HTR2C: variants seen among roughly 807,000 people sequenced by gnomAD.
HTR2C encodes the protein 5-hydroxytryptamine receptor 2C.
In HTR2C, 5 loss-of-function variants were observed where a neutral mutation model predicts 21.0. The ratio of observed to expected loss-of-function variants is 0.24; its 90% CI spans 0.12 to 0.50. The LOEUF is 0.50. Ranked by LOEUF, HTR2C falls within the 20% of genes least tolerant of loss-of-function variation. HTR2C has a pLI of 0.98. For missense variants in HTR2C, 271 were observed against 371.2 expected (o/e 0.73, Z 2.22); for synonymous variants, 150 against 145.3 (o/e 1.03, Z -0.23).
At chrX:114,726,100 G>GC (rs1933458232) in intron 2 of HTR2C, among the ~76,000 whole-genome samples, 1 of 112,116 alleles carries the variant, frequency 8.9e-6, no homozygotes, top group African/African-American at 3.2e-5. Flanking sequence ...AATGGCGGGC[G>GC]CCCCTCCCCC....
Position 114,679,257 on chromosome X carries a change from A to G in HTR2C, c.-79-47601A>G, listed in dbSNP as rs368732503. ...GGCAGTCTTAAAGAACCTTAATATC[A>G]CAGATTTTTATTTTTTAAATTTATT... On this transcript the variant is annotated intron_variant, in intron 2 of 5. Transcript: ENST00000276198. 3.8e-4 allele frequency among the ~76,000 whole-genome samples: 42 copies of G among 110,532 alleles called. No individual in the cohort carries two copies. In the East Asian group the frequency reaches 5.4e-3, roughly 14 times the overall value.
chrX:114,844,258 G>C (rs1399256087), intron 4 of HTR2C, among the ~76,000 whole-genome samples: 3 of 111,511 alleles, frequency 2.7e-5, no homozygotes, highest in Non-Finnish European at 5.7e-5. Flanking sequence ...ATGTAAAGAA[G>C]CAAAATCTTT....
chrX:114,862,676 A>C (rs921911288), intron 5 of HTR2C, among the ~76,000 whole-genome samples: 3 of 110,821 alleles, frequency 2.7e-5, no homozygotes, highest in Non-Finnish European at 5.7e-5. Flanking sequence ...CATACTTGTG[A>C]CATTTTGATT....
chrX:114,627,562 C>A, intron 2 of HTR2C, among the ~76,000 whole-genome samples: 1 of 111,130 alleles, frequency 9.0e-6, no homozygotes, highest in Middle Eastern at 4.7e-3. Flanking sequence ...AAGGTTTATA[C>A]ATGTACAAAG....
chrX:114,895,726 G>A (rs782649546), intron 5 of HTR2C, among the ~76,000 whole-genome samples: 6 of 111,430 alleles, frequency 5.4e-5, no homozygotes, highest in South Asian at 3.7e-4. Context: ...GGTGGCTCAC[G>A]CCTGTAATCC....
intron 5 of HTR2C, among the ~76,000 whole-genome samples, chrX:114,857,838 T>A (rs139128743): frequency 0.035 from 3,868 of 110,964 alleles, 175 homozygotes; most frequent in African/African-American, 0.12. Context: ...TGTTTGATCA[T>A]CTTAGCTTTC....
chrX:114,599,376 T>C (rs1569476578), intron 1 of HTR2C, among the ~76,000 whole-genome samples: 1 of 112,050 alleles, frequency 8.9e-6, no homozygotes, highest in Non-Finnish European at 1.9e-5. Context: ...ATTTCTTAAT[T>C]TATTTGAGCA....
At chrX:114,789,338 C>T (rs1057263561) in intron 4 of HTR2C, among the ~76,000 whole-genome samples, 15 of 111,840 alleles carry the variant, frequency 1.3e-4, no homozygotes, top group Non-Finnish European at 2.8e-4. Flanking sequence ...ATACTTTACA[C>T]TTACAAGGAA....
intron 3 of HTR2C, among the ~76,000 whole-genome samples, chrX:114,730,958 C>T (rs1247854154): frequency 2.7e-5 from 3 of 111,555 alleles, no homozygotes; most frequent in African/African-American, 9.8e-5. Context: ...CTTACCCTTT[C>T]TGAACTTTAC....
chrX:114,702,444 C>G (rs1158710749), intron 2 of HTR2C, among the ~76,000 whole-genome samples: 1 of 103,461 alleles, frequency 9.7e-6, no homozygotes, highest in Non-Finnish European at 2.0e-5. Flanking sequence ...CCCAGAATTT[C>G]CTATCCAGCC....
intron 5 of HTR2C, among the ~76,000 whole-genome samples, chrX:114,881,017 T>C (rs1402847555): frequency 2.7e-5 from 3 of 111,044 alleles, no homozygotes; most frequent in African/African-American, 9.8e-5. Context: ...TCCTTGTCAA[T>C]ACTTGTTATT....
intron 4 of HTR2C, among the ~76,000 whole-genome samples, chrX:114,818,569 A>G (rs1043142895): frequency 1.8e-5 from 2 of 111,947 alleles, no homozygotes; most frequent in East Asian, 2.8e-4. Context: ...AGCATTGAAC[A>G]TAAGAATAAA....
intron 4 of HTR2C, among the ~76,000 whole-genome samples, chrX:114,803,933 C>G (rs1460048008): frequency 4.5e-5 from 5 of 111,769 alleles, no homozygotes; most frequent in Admixed American, 2.9e-4. Flanking sequence ...GCTTATTCAC[C>G]TGCCTTTTCA....
At chrX:114,696,097 G>A (rs973052331) in intron 2 of HTR2C, among the ~76,000 whole-genome samples, 7 of 111,359 alleles carry the variant, frequency 6.3e-5, no homozygotes, top group Non-Finnish European at 1.3e-4. Context: ...TCCTATAAAT[G>A]AGCATGCTTT....
intron 2 of HTR2C, among the ~76,000 whole-genome samples, chrX:114,667,865 A>G (rs782356253): frequency 2.0e-4 from 22 of 111,926 alleles, no homozygotes; most frequent in African/African-American, 6.8e-4. Flanking sequence ...TATATTTATT[A>G]ACTATTTAAA....
At chrX:114,741,635 G>T (rs1223816229) in intron 4 of HTR2C, among the ~76,000 whole-genome samples, 1 of 90,818 alleles carries the variant, frequency 1.1e-5, no homozygotes, top group East Asian at 3.7e-4. Context: ...AAACCCACAG[G>T]AGCCAGCTTA....
At chrX:114,745,880 A>G (rs1444811769) in intron 4 of HTR2C, among the ~76,000 whole-genome samples, 1 of 111,877 alleles carries the variant, frequency 8.9e-6, no homozygotes, top group Non-Finnish European at 1.9e-5. Context: ...AGAATGGATA[A>G]GACTTAGTGT....
chrX:114,661,392 A>G lies in HTR2C; in HGVS notation c.-80+47511A>G, dbSNP rs142509031. On this transcript the variant is annotated intron_variant, in intron 2 of 5. Coordinates refer to ENST00000276198, the MANE Select transcript of HTR2C (RefSeq NM_000868.4). ...TGTTTTGCTAATTAGTTTGAACACT[A>G]TGAATGAATTTGTAAAAAAAAAAAC... Among the ~76,000 whole-genome samples the G allele has an allele frequency of 5.3e-3, 428 of 80,273 alleles. 1 individual carries two copies. The highest frequency in any genetic ancestry group is 0.036 in the East Asian group (81 of 2,237). The allele number at this position is 80,273 out of a possible 115,157, so 69.7% of individuals were successfully genotyped here. A position where few individuals can be genotyped will look rare whatever the true frequency, so the allele number is the denominator to read the frequency against.
chrX:114,729,020 G>A (rs782618360), intron 3 of HTR2C, among the ~76,000 whole-genome samples: 1 of 112,121 alleles, frequency 8.9e-6, no homozygotes, highest in African/African-American at 3.2e-5. Context: ...GGGACTACTT[G>A]AGATGATCTT....
Sources: allele counts gnomAD v4.1 joint callset (sites outside exome capture counted in the v4.1 genomes callset), GRCh38; gene constraint gnomAD v4.1.1; transcripts MANE v1.5; gene names NCBI Gene and HGNC (gene_info 2026-07-23, HGNC 2026-07-21).